Variants in PHF23 observed in about 807,000 individuals in gnomAD.
PHF23 encodes the protein PDH-containing protein JUNE-1.
A neutral mutation model predicts 36.0 loss-of-function variants in PHF23; 3 were observed. That is an observed-to-expected ratio of 0.08 (90% CI 0.04 to 0.22). The LOEUF (loss-of-function observed/expected upper bound fraction) is 0.22, where lower values mean the gene tolerates loss of function less well. Among genes scored for constraint, PHF23 ranks in the 10% least tolerant of loss-of-function variants. The probability of loss-of-function intolerance (pLI) is 1.00; values close to 1 mark genes in which losing one functional copy is unlikely to be tolerated. For synonymous variants in PHF23, 242 were observed against 192.5 expected, an observed-to-expected ratio of 1.26 and a Z score of -2.13; for missense variants, 475 against 513.6, an observed-to-expected ratio of 0.92 and a Z score of 0.73.
At chr17:7,238,501 C>T in intron 1 of PHF23, 1 of 946,878 alleles carries the variant, frequency 1.1e-6, no homozygotes, top group Non-Finnish European at 1.3e-6. Flanking sequence ...CCCCTTCCCC[C>T]CAACCAGCCA....
At chr17:7,237,504 T>A in intron 2 of PHF23, 27 bp from the exon 3 acceptor site, 5 of 1,609,820 alleles carry the variant, frequency 3.1e-6, no homozygotes, top group African/African-American at 1.3e-5. Flanking sequence ...ATGGATCACA[T>A]GCAAAGCCAC....
Position 7,235,368 on chromosome 17 carries a change from TCCAAGAGACAG to T in PHF23, c.*247_*257del. ...TGACCCAGAAAGTGATGGTGGCAGG[TCCAAGAGACAG>T]AGATTATGTGTCGGGACACAGACAG... On this transcript the variant is annotated 3_prime_UTR_variant, in exon 5 of 5. Coordinates refer to ENST00000320316, the MANE Select transcript of PHF23 (RefSeq NM_024297.3). The T allele has an allele frequency of 1.5e-4, 78 of 512,868 alleles. No individual in the cohort carries two copies. The highest frequency in any genetic ancestry group is 5.3e-4 in the Middle Eastern group (1 of 1,874). 31.8% of individuals were successfully genotyped at this position (512,868 alleles called of 1,614,324 possible).
rs1473730620 is a variant in PHF23 at position 7,237,932 on chromosome 17, T to C, written c.35-272A>G. Reference sequence around the variant, plus strand: ...CCGCCCCCCCAACTCACGGTCTCTCTCGACTCCAGTCTACTCGGATCCCTC... The same window carrying C: ...CCGCCCCCCCAACTCACGGTCTCTCCCGACTCCAGTCTACTCGGATCCCTC... On this transcript the variant is annotated intron_variant, in intron 1 of 4. Coordinates refer to ENST00000320316, the MANE Select transcript of PHF23 (RefSeq NM_024297.3). 8.1e-5 allele frequency: 36 copies of C among 442,278 alleles called. No homozygotes were observed. The Admixed American group carries it at 1.6e-3, about 19-fold the overall frequency. 27.4% of individuals were successfully genotyped at this position (442,278 alleles called of 1,614,324 possible).
At chr17:7,237,909 G>GC (rs926765839) in intron 1 of PHF23, 21 of 436,856 alleles carry the variant, frequency 4.8e-5, no homozygotes, top group East Asian at 1.4e-4. Context: ...CCGGCGCCCC[G>GC]CCCCCCCAAC....
chr17:7,236,191 C>T lies in PHF23; in HGVS notation c.736G>A (p.Asp246Asn). Reference sequence around the variant, plus strand: ...TCCTCTTCCTCCTCCTCTTCAGAGTCTGTATCACTGGGGGGTGCCTGGGGA... The same window carrying T: ...TCCTCTTCCTCCTCCTCTTCAGAGTTTGTATCACTGGGGGGTGCCTGGGGA... ...GPPQAPPSDT[D>N]SEEEEEEEEE... Residue 246 changes from aspartate to asparagine, a missense_variant, in exon 4 of 5, where the codon GAC (aspartate) becomes AAC (asparagine). Asp to Asn is a conservative substitution (Grantham distance 23). Around this residue, in one of 5 missense-constraint regions of PHF23, gnomAD observed 350 missense variants for 319.8 expected, o/e 1.09. Transcript: ENST00000320316. The surrounding 1 kb of genome is among the most constrained non-coding windows in gnomAD (Gnocchi z 5.1). 6.2e-7 allele frequency: 1 copy of T among 1,612,618 alleles called. No homozygotes were observed. Among genetic ancestry groups the T allele is most frequent in the Non-Finnish European group, 8.5e-7 (1 of 1,179,234 alleles).
chr17:7,239,118 C>T, intron 1 of PHF23, 128 bp downstream of exon 1: 1 of 1,028,760 alleles, frequency 9.7e-7, no homozygotes, highest in Non-Finnish European at 1.4e-6. Context: ...CTCCCACCTC[C>T]AGGGCCAGCC....
chr17:7,239,435 C>T lies in PHF23; in HGVS notation c.-156G>A, dbSNP rs866942003. 101 of 482,384 alleles carry T rather than the reference C, an allele frequency of 2.1e-4. No homozygotes were observed. In the Middle Eastern group the frequency reaches 2.6e-3, roughly 12 times the overall value. 29.9% of individuals were successfully genotyped at this position (482,384 alleles called of 1,614,324 possible). A position where few individuals can be genotyped will look rare whatever the true frequency, so the allele number is the denominator to read the frequency against. ...GTCCGCTAGCCGCTGCCGCCACCTCCCTCTACCACTGCCTCCCGCACTCCC... is the reference window on the plus strand; with the variant it reads ...GTCCGCTAGCCGCTGCCGCCACCTCTCTCTACCACTGCCTCCCGCACTCCC... On this transcript the variant is annotated 5_prime_UTR_variant, in exon 1 of 5. Transcript: ENST00000320316.
At chr17:7,239,102 G>C in intron 1 of PHF23, 144 bp downstream of exon 1, 1 of 1,048,544 alleles carries the variant, frequency 9.5e-7, no homozygotes, top group Non-Finnish European at 1.4e-6. Flanking sequence ...CTCTCAACTC[G>C]TCGCTCTCCC....
chr17:7,240,825 G>C (rs1421164590), upstream of PHF23: 2 of 1,527,816 alleles, frequency 1.3e-6, no homozygotes, highest in Admixed American at 3.4e-5. Flanking sequence ...TGTAGAATGA[G>C]ACCCCCCTCC....
In PHF23 at chr17:7,236,601, G is replaced by A. The variant is rs751670729; in HGVS notation, c.326C>T (p.Pro109Leu). Reference sequence around the variant, plus strand: ...AGAGAAAGTGGACCTTGGGGGTCCTGGCTGGGTGGGACCTGCTTGAGCTGC... The same window carrying A: ...AGAGAAAGTGGACCTTGGGGGTCCTAGCTGGGTGGGACCTGCTTGAGCTGC... ...RRAAQAGPTQ[P>L]GPPRSTFSRL... Residue 109 changes from proline (P) to leucine (L), a missense_variant, in exon 4 of 5, where the codon CCA becomes CTA. By Grantham distance (98) the Pro-to-Leu change is moderately conservative. Around this residue, in one of 5 missense-constraint regions of PHF23, gnomAD observed 350 missense variants for 319.8 expected, o/e 1.09. Coordinates refer to ENST00000320316, the MANE Select transcript of PHF23 (RefSeq NM_024297.3). The surrounding 1 kb of genome is among the most constrained non-coding windows in gnomAD (Gnocchi z 5.1). 37 of 1,614,048 alleles carry A rather than the reference G, an allele frequency of 2.3e-5. No homozygotes were observed. In the Admixed American group the frequency reaches 5.8e-4, roughly 25 times the overall value.
rs2071632188 is a variant in PHF23 at position 7,235,237 on chromosome 17, G to C, written c.*389C>G. On this transcript the variant is annotated 3_prime_UTR_variant, in exon 5 of 5. Transcript: ENST00000320316. Reference sequence around the variant, plus strand: ...AATTAAAAATACAACCGGTGTAGAAGAAAATAAATGGGGAGTGAAATAGAA... The same window carrying C: ...AATTAAAAATACAACCGGTGTAGAACAAAATAAATGGGGAGTGAAATAGAA... 3.9e-6 allele frequency: 1 copy of C among 257,140 alleles called. No individual in the cohort carries two copies. Among genetic ancestry groups the C allele is most frequent in the Non-Finnish European group, 7.7e-6 (1 of 129,880 alleles). 15.9% of individuals were successfully genotyped at this position (257,140 alleles called of 1,614,324 possible).
intron 1 of PHF23, chr17:7,238,837 T>A (rs1285823375): frequency 6.5e-7 from 1 of 1,533,532 alleles, no homozygotes; most frequent in African/African-American, 1.4e-5. Flanking sequence ...GGAGCTCCGG[T>A]ACCACCGCCA....
intron 1 of PHF23, chr17:7,238,583 C>T (rs1263945848): frequency 2.6e-6 from 3 of 1,145,646 alleles, no homozygotes; most frequent in African/African-American, 2.0e-5. Flanking sequence ...AACTCCCAGG[C>T]TCTTAACCCT....
intron 3 of PHF23, 53 bp downstream of exon 3, chr17:7,237,332 C>T: frequency 1.4e-6 from 2 of 1,421,440 alleles, no homozygotes; most frequent in Non-Finnish European, 2.0e-6. Context: ...GAACAACAGT[C>T]ACTCTATAGT....
At chr17:7,237,830 AG>A in intron 1 of PHF23, 170 bp from the exon 2 acceptor site, 1 of 740,748 alleles carries the variant, frequency 1.3e-6, no homozygotes, top group Non-Finnish European at 2.2e-6. Context: ...CCGCCCCGCG[AG>A]GGGCGGAGCC....
Position 7,239,404 on chromosome 17 carries a change from A to G in PHF23, c.-125T>C, listed in dbSNP as rs1484840054. 4.1e-6 allele frequency: 2 copies of G among 486,876 alleles called. No homozygotes were observed. Among genetic ancestry groups the G allele is most frequent in the East Asian group, 3.8e-5 (1 of 26,464 alleles). 30.2% of individuals were successfully genotyped at this position (486,876 alleles called of 1,614,324 possible). On this transcript the variant is annotated 5_prime_UTR_variant, in exon 1 of 5. Transcript: ENST00000320316. ...AAGTGTCCGCCTCAGCCCGGTTGAG[A>G]CTCGAGTCCGCTAGCCGCTGCCGCC... is the stretch of plus-strand genomic sequence containing the variant.
rs940736266 is a variant in PHF23 at position 7,235,273 on chromosome 17, G to C, written c.*353C>G. ...GGGAGTGAAATAGAAGAAAAGATGA[G>C]GGAGGGGAGTGCTAATATTTACACT... is the stretch of plus-strand genomic sequence containing the variant. On this transcript the variant is annotated 3_prime_UTR_variant, in exon 5 of 5. Transcript: ENST00000320316. 10 of 291,748 alleles carry C rather than the reference G, an allele frequency of 3.4e-5. No individual in the cohort carries two copies. Among genetic ancestry groups the C allele is most frequent in the Non-Finnish European group, 6.0e-5 (9 of 150,756 alleles). The allele number at this position is 291,748 out of a possible 1,614,324, so 18.1% of individuals were successfully genotyped here.
chr17:7,238,812 C>T (rs2071736312), intron 1 of PHF23: 9 of 1,534,240 alleles, frequency 5.9e-6, no homozygotes, highest in African/African-American at 1.4e-5. Flanking sequence ...GGGCATTCTC[C>T]GGCGGCAACT....
rs1555530911 is a variant in PHF23 at position 7,236,156 on chromosome 17, T to C, written c.771A>G (p.Glu257=). 3 of 1,610,104 alleles carry C rather than the reference T, an allele frequency of 1.9e-6. No homozygotes were observed. Among genetic ancestry groups the C allele is most frequent in the East Asian group, 2.2e-5 (1 of 44,866 alleles). The change falls in exon 4 of 5, where the codon GAA becomes GAG. Residue 257 remains glutamate (E), a synonymous_variant. Transcript: ENST00000320316. This position sits in a 1 kb window ranked among gnomAD's most constrained non-coding sequence, Gnocchi z 5.1. ...SEEEEEEEEE[E]EEEEMATVVG... ...CCACTGTTGCCATCTCTTCTTCTTC[T>C]TCCTCTTCCTCCTCTTCCTCCTCCT...
Sources: allele counts gnomAD v4.1 joint callset, GRCh38; gene constraint gnomAD v4.1.1; regional missense constraint gnomAD v4.1.1; non-coding constraint Gnocchi (gnomAD v3.1); transcripts MANE v1.5; gene names NCBI Gene and HGNC (gene_info 2026-07-23, HGNC 2026-07-21).